Variants in PIKFYVE observed in about 807,000 individuals in gnomAD.
The protein encoded by PIKFYVE is 1-phosphatidylinositol 3-phosphate 5-kinase.
A neutral mutation model predicts 257.9 loss-of-function variants in PIKFYVE; 122 were observed. The observed-to-expected ratio is 0.47, with a 90% CI of 0.41 to 0.55. PIKFYVE has a LOEUF of 0.55. Among genes scored for constraint, PIKFYVE ranks in the 20% least tolerant of loss-of-function variants. PIKFYVE has a pLI of 0.00. For synonymous variants in PIKFYVE, 892 were observed against 868.9 expected (o/e 1.03, Z -0.47); for missense variants, 2,160 against 2,536.6 (o/e 0.85, Z 3.19).
In PIKFYVE at chr2:208,325,543, T is replaced by C. The variant is rs200687532; in HGVS notation, c.2732T>C (p.Ile911Thr). The C allele has an allele frequency of 1.2e-6, 2 of 1,614,052 alleles. No homozygotes were observed. Among genetic ancestry groups the C allele is most frequent in the Non-Finnish European group, 1.7e-6 (2 of 1,179,974 alleles). The change falls in exon 20 of 42, where the codon ATC becomes ACC. Residue 911 changes from isoleucine to threonine, a missense_variant. Coordinates refer to ENST00000264380, the MANE Select transcript of PIKFYVE (RefSeq NM_015040.4). ...CAAGAGCAGTACGGTGGAGGTTCCA[T>C]CCCCTGGGATCCTGACATCCCTCCT... ...AVQEQYGGGS[I>T]PWDPDIPPES...
At chr2:208,319,438 T>C (rs1695945531) in intron 16 of PIKFYVE, among the ~76,000 whole-genome samples, 1 of 152,202 alleles carries the variant, frequency 6.6e-6, no homozygotes, top group Non-Finnish European at 1.5e-5. Flanking sequence ...AATTAAGAGG[T>C]AAATATGTTG....
chr2:208,319,462 A>G (rs1695948968), intron 16 of PIKFYVE, among the ~76,000 whole-genome samples: 1 of 152,200 alleles, frequency 6.6e-6, no homozygotes, highest in Non-Finnish European at 1.5e-5. Flanking sequence ...CTTCTCAGAA[A>G]GTGAGGAAAA....
At chr2:208,300,323 A>G (rs961997247) in intron 8 of PIKFYVE, among the ~76,000 whole-genome samples, 2 of 152,204 alleles carry the variant, frequency 1.3e-5, no homozygotes, top group South Asian at 2.1e-4. Flanking sequence ...AAGAATAAGC[A>G]TGACATTTTC....
intron 17 of PIKFYVE, 147 bp downstream of exon 17, chr2:208,320,506 T>C: frequency 1.1e-6 from 1 of 913,146 alleles, no homozygotes; most frequent in South Asian, 1.7e-5. Flanking sequence ...TCACTCATTA[T>C]TTTTAAAGTT....
chr2:208,354,283 C>CA lies in PIKFYVE; in HGVS notation c.6106+129dup, dbSNP rs1157915939. On this transcript the variant is annotated intron_variant, in intron 40 of 41. Transcript: ENST00000264380. ...TTTCACAAACTTTCATTTGAAATTT[C>CA]AAAAATAAGTTTTTTATTCTAGTCT... is the stretch of plus-strand genomic sequence containing the variant. The CA allele has an allele frequency of 3.8e-6, 5 of 1,305,038 alleles. No individual in the cohort carries two copies. In the African/African-American group the frequency reaches 7.5e-5, roughly 19 times the overall value. 80.8% of individuals were successfully genotyped at this position (1,305,038 alleles called of 1,614,324 possible).
intron 30 of PIKFYVE, 51 bp downstream of exon 30, chr2:208,339,606 A>G (rs947078478): frequency 6.3e-7 from 1 of 1,597,346 alleles, no homozygotes; most frequent in Non-Finnish European, 8.6e-7. Flanking sequence ...AGACTGAAAG[A>G]TATATCATTG....
intron 6 of PIKFYVE, among the ~76,000 whole-genome samples, chr2:208,286,197 A>G (rs1691552876): frequency 6.6e-6 from 1 of 152,220 alleles, no homozygotes; most frequent in African/African-American, 2.4e-5. Flanking sequence ...AGAACAGCGC[A>G]TGGCATGTAT....
chr2:208,307,038 C>A (rs1332181593), intron 12 of PIKFYVE, among the ~76,000 whole-genome samples: 1 of 152,166 alleles, frequency 6.6e-6, no homozygotes, highest in African/African-American at 2.4e-5. Context: ...CTTAGCTTTC[C>A]TAAGTGCTGG....
intron 25 of PIKFYVE, 41 bp downstream of exon 25, chr2:208,335,460 C>T (rs1486858809): frequency 1.4e-6 from 2 of 1,380,542 alleles, no homozygotes; most frequent in Non-Finnish European, 2.1e-6. Context: ...TGTTTATTTA[C>T]AGCTATTTTA....
At chr2:208,347,759 C>T in intron 34 of PIKFYVE, 100 bp from the exon 35 acceptor site, 1 of 988,322 alleles carries the variant, frequency 1.0e-6, no homozygotes, top group Non-Finnish European at 1.6e-6. Flanking sequence ...TGATTAGCTT[C>T]ATATAGTGGT....
chr2:208,311,666 AT>A (rs1488583522), intron 12 of PIKFYVE, among the ~76,000 whole-genome samples: 2 of 152,192 alleles, frequency 1.3e-5, no homozygotes, highest in Non-Finnish European at 2.9e-5. Flanking sequence ...GTTTGATATA[AT>A]TTTTGAAAAA....
At chr2:208,316,225 A>G (rs1276576226) in intron 15 of PIKFYVE, among the ~76,000 whole-genome samples, 1 of 152,176 alleles carries the variant, frequency 6.6e-6, no homozygotes, top group African/African-American at 2.4e-5. Context: ...TTATGGTTGC[A>G]TAGCATTCCA....
chr2:208,295,038 A>T (rs1265063542), intron 7 of PIKFYVE, among the ~76,000 whole-genome samples: 1 of 149,706 alleles, frequency 6.7e-6, no homozygotes, highest in Non-Finnish European at 1.5e-5. Context: ...GGAATTTGTC[A>T]ATTTGATTTT....
chr2:208,322,374 TAA>T (rs11471825), intron 17 of PIKFYVE, among the ~76,000 whole-genome samples: 1 of 97,792 alleles, frequency 1.0e-5, no homozygotes, highest in African/African-American at 4.0e-5. Context: ...CCCTGTCTCT[TAA>T]AAAAAAAAAA....
chr2:208,275,003 C>G (rs149107200), intron 3 of PIKFYVE, among the ~76,000 whole-genome samples: 1 of 152,240 alleles, frequency 6.6e-6, no homozygotes, highest in East Asian at 1.9e-4. Flanking sequence ...CCAGGTGGAG[C>G]CTTTACTGTC....
At chr2:208,341,760 C>A (rs148657031) in intron 31 of PIKFYVE, among the ~76,000 whole-genome samples, 1 of 152,062 alleles carries the variant, frequency 6.6e-6, no homozygotes, top group African/African-American at 2.4e-5. Context: ...TAAATTACCC[C>A]CTAAAGGCCC....
At chr2:208,341,520 T>C (rs1426287372) in intron 31 of PIKFYVE, among the ~76,000 whole-genome samples, 1 of 152,160 alleles carries the variant, frequency 6.6e-6, no homozygotes, top group African/African-American at 2.4e-5. Context: ...TGAATTACCA[T>C]AGACTGAGTT....
In PIKFYVE at chr2:208,314,331, A is replaced by G; in HGVS notation, c.1734A>G (p.Lys578=). 1 of 1,613,932 alleles carries G rather than the reference A, an allele frequency of 6.2e-7. No homozygotes were observed. Reference sequence around the variant, plus strand: ...ATCGCCGAGTAGAGGAAAAATCCAAAGAGCTGCCTTTCACACCTTTGGGCT... The same window carrying G: ...ATCGCCGAGTAGAGGAAAAATCCAAGGAGCTGCCTTTCACACCTTTGGGCT... The part of the protein sequence containing the change: ...LFNRRVEEKS[K]ELPFTPLGWH... The change falls in exon 14 of 42, where the codon AAA becomes AAG. Residue 578 remains lysine, a synonymous_variant. Transcript: ENST00000264380.
intron 14 of PIKFYVE, 148 bp from the exon 15 acceptor site, chr2:208,315,045 A>C: frequency 1.3e-6 from 1 of 763,944 alleles, no homozygotes; most frequent in Middle Eastern, 3.6e-4. Context: ...GTACAGATAT[A>C]ATGAAAGAAT....
Sources: gnomAD v4.1 joint callset for allele counts (sites outside exome capture counted in the v4.1 genomes callset) on GRCh38, gnomAD v4.1.1 for gene constraint, MANE v1.5 for transcripts, NCBI Gene and HGNC (gene_info 2026-07-23, HGNC 2026-07-21) for gene names.